The following DYNC2H1 variants were observed in gnomAD, a reference collection of about 807,000 sequenced individuals.
DYNC2H1 encodes the protein dynein cytoplasmic 2 heavy chain 1, also known as cytoplasmic dynein 2 heavy chain 1.
A neutral mutation model predicts 570.0 loss-of-function variants in DYNC2H1; 410 were observed. That is an observed-to-expected ratio of 0.72 (90% CI 0.66 to 0.78). DYNC2H1 has a LOEUF of 0.78. Among genes scored for constraint, DYNC2H1 ranks in the 30% least tolerant of loss-of-function variants. The pLI is 0.00. For missense variants in DYNC2H1, 4,865 were observed against 5,046.4 expected (o/e 0.96, Z 1.09); for synonymous variants, 1,688 against 1,677.6 (o/e 1.01, Z -0.15).
chr11:103,111,711 C>T (rs1279106263), intron 1 of DYNC2H1, among the ~76,000 whole-genome samples: 2 of 151,908 alleles, frequency 1.3e-5, no homozygotes, highest in African/African-American at 4.8e-5. Flanking sequence ...TAAGTTAAAG[C>T]TATTACTAGT....
At chr11:103,371,760 A>G (rs561248809) in intron 83 of DYNC2H1, among the ~76,000 whole-genome samples, 2 of 152,102 alleles carry the variant, frequency 1.3e-5, no homozygotes, top group Non-Finnish European at 2.9e-5. Context: ...ATAGCTCACT[A>G]TTAGTGGATA....
At chr11:103,285,722 G>C (rs909979527) in intron 73 of DYNC2H1, among the ~76,000 whole-genome samples, 1 of 152,000 alleles carries the variant, frequency 6.6e-6, no homozygotes, top group African/African-American at 2.4e-5. Flanking sequence ...ACTGTGCCCG[G>C]CTGAGAGGAG....
chr11:103,253,184 A>C (rs1864905820), intron 65 of DYNC2H1, 101 bp from the exon 66 acceptor site: 1 of 1,254,110 alleles, frequency 8.0e-7, no homozygotes, highest in Admixed American at 2.8e-5. Context: ...GACTCTGTCG[A>C]AAAGCCTATA....
At chr11:103,349,069 T>TC (rs1939910329) in intron 82 of DYNC2H1, among the ~76,000 whole-genome samples, 2 of 152,154 alleles carry the variant, frequency 1.3e-5, no homozygotes, top group African/African-American at 4.8e-5. Context: ...CAGTCTCGGG[T>TC]ATTTCTTTAT....
intron 82 of DYNC2H1, among the ~76,000 whole-genome samples, chr11:103,345,738 C>T (rs922313653): frequency 2.0e-5 from 3 of 152,014 alleles, no homozygotes; most frequent in Admixed American, 1.3e-4. Flanking sequence ...GTCTTGTGAG[C>T]CATGAAAGTA....
At chr11:103,121,072 GA>G (rs1858680840) in intron 9 of DYNC2H1, 36 bp downstream of exon 9, 1 of 1,323,940 alleles carries the variant, frequency 7.6e-7, no homozygotes, top group Non-Finnish European at 1.0e-6. Context: ...TTGCTTGAGA[GA>G]ATATTTTTGT....
At position 103,235,155 on chromosome 11, in the gene DYNC2H1, C is replaced by T. The variant is rs573468780; in HGVS notation, c.9568-517C>T. 1.2e-4 allele frequency among the ~76,000 whole-genome samples: 18 copies of T among 151,996 alleles called. No individual in the cohort carries two copies. The South Asian group carries it at 2.9e-3, about 25-fold the overall frequency. On this transcript the variant is annotated intron_variant, in intron 61 of 88. Coordinates refer to ENST00000375735, the MANE Select transcript of DYNC2H1 (RefSeq NM_001377.3). ...TTGCTTAAATGCTTTCAATGGCTCA[C>T]GTCACAGTTTAAAATAGAAATTCCT...
At chr11:103,192,443 C>A (rs1189666398) in intron 47 of DYNC2H1, among the ~76,000 whole-genome samples, 179 bp downstream of exon 47, 7 of 151,982 alleles carry the variant, frequency 4.6e-5, no homozygotes, top group African/African-American at 1.7e-4. Flanking sequence ...ATGTTTCAAT[C>A]AAAATATAAT....
intron 86 of DYNC2H1, 41 bp from the exon 87 acceptor site, chr11:103,456,234 A>G (rs1331619158): frequency 2.7e-6 from 4 of 1,486,926 alleles, no homozygotes; most frequent in South Asian, 1.3e-5. Flanking sequence ...TTTAATTCCT[A>G]AGGATTATTG....
At chr11:103,467,475 G>A (rs1230347051) in intron 87 of DYNC2H1, among the ~76,000 whole-genome samples, 1 of 152,054 alleles carries the variant, frequency 6.6e-6, no homozygotes, top group East Asian at 1.9e-4. Context: ...GAATTCTATA[G>A]TTCTTTCATT....
intron 24 of DYNC2H1, 128 bp from the exon 25 acceptor site, chr11:103,155,203 T>C: frequency 1.1e-6 from 1 of 903,038 alleles, no homozygotes; most frequent in Non-Finnish European, 1.6e-6. Context: ...TTTAAGATTA[T>C]TAAACAAGAA....
intron 87 of DYNC2H1, among the ~76,000 whole-genome samples, chr11:103,459,667 G>T (rs1323777985): frequency 6.6e-6 from 1 of 152,012 alleles, no homozygotes; most frequent in African/African-American, 2.4e-5. Flanking sequence ...AAAGCTGAAG[G>T]AGTGGCCGGG....
rs767313558 is a variant in DYNC2H1 at position 103,321,844 on chromosome 11, AT to A, written c.11934+608del. On this transcript the variant is annotated intron_variant, in intron 81 of 88. Transcript: ENST00000375735. ...TTTTGATTTATTTTGCCATAAACCT[AT>A]CTGTGTATAAGTGTGCAAATAATTC... Among the ~76,000 whole-genome samples, 353 of 152,216 alleles carry A rather than the reference AT, an allele frequency of 2.3e-3. 2 individuals are homozygous for A. The highest frequency in any genetic ancestry group is 4.5e-3 in the Non-Finnish European group (309 of 67,952).
intron 75 of DYNC2H1, among the ~76,000 whole-genome samples, chr11:103,290,178 T>C (rs1866535965): frequency 6.6e-6 from 1 of 152,134 alleles, no homozygotes; most frequent in South Asian, 2.1e-4. Flanking sequence ...GACTTCAACA[T>C]ATCTTTTTTT....
intron 84 of DYNC2H1, chr11:103,402,350 G>A (rs779670166): frequency 2.6e-5 from 4 of 152,270 alleles, no homozygotes; most frequent in Middle Eastern, 3.4e-3. Context: ...ATTCCATATT[G>A]GAGGCCTTTT....
chr11:103,293,630 C>G (rs1407621896), intron 75 of DYNC2H1, among the ~76,000 whole-genome samples: 1 of 151,630 alleles, frequency 6.6e-6, no homozygotes, highest in East Asian at 1.9e-4. Context: ...TTTTTCTCCT[C>G]TATATTTTCA....
intron 12 of DYNC2H1, among the ~76,000 whole-genome samples, chr11:103,127,693 T>G (rs1420342933): frequency 6.6e-6 from 1 of 152,224 alleles, no homozygotes; most frequent in Admixed American, 6.5e-5. Flanking sequence ...GAACCGCTCC[T>G]TTTTCCACCA....
intron 9 of DYNC2H1, 72 bp downstream of exon 9, chr11:103,121,108 A>G: frequency 3.0e-6 from 3 of 999,546 alleles, no homozygotes; most frequent in Non-Finnish European, 4.2e-6. Context: ...TTCGTTGCAT[A>G]CCATTTAGGA....
At chr11:103,263,480 A>G (rs1865393450) in intron 70 of DYNC2H1, among the ~76,000 whole-genome samples, 1 of 152,212 alleles carries the variant, frequency 6.6e-6, no homozygotes, top group Admixed American at 6.5e-5. Context: ...TCCTCAGCAA[A>G]TGGAAAAGAA....
Sources: allele counts gnomAD v4.1 joint callset (sites outside exome capture counted in the v4.1 genomes callset), GRCh38; gene constraint gnomAD v4.1.1; transcripts MANE v1.5; gene names NCBI Gene and HGNC (gene_info 2026-07-23, HGNC 2026-07-21).